ZFAND3: variants seen among roughly 807,000 people sequenced by gnomAD.
The protein encoded by ZFAND3 is zinc finger AN1-type containing 3, also known as AN1-type zinc finger protein 3.
Under a neutral mutation model 29.6 loss-of-function variants are expected in ZFAND3, and 10 were observed. That is an observed-to-expected ratio of 0.34 (90% CI 0.21 to 0.57). ZFAND3 has a LOEUF of 0.57. ZFAND3 is among the 20% of genes least tolerant of loss of function. The pLI is 0.86. For missense variants in ZFAND3, 230 were observed against 304.5 expected (o/e 0.76, Z 1.82); for synonymous variants, 128 against 112.6 (o/e 1.14, Z -0.87).
Position 38,041,795 on chromosome 6 carries a change from T to C in ZFAND3, c.113-19798T>C, listed in dbSNP as rs371551021. On this transcript the variant is annotated intron_variant, in intron 2 of 5. Transcript: ENST00000287218. ...TCCTCCTCCTCCTCTTCTTTCTTCT[T>C]CTTCTCCTCTTCTTTCTTCTTCTTC... Among the ~76,000 whole-genome samples the C allele has an allele frequency of 2.0e-3, 4 of 1,956 alleles. 2 individuals are homozygous for C. Among genetic ancestry groups the C allele is most frequent in the Non-Finnish European group, 0.011 (2 of 178 alleles). 1.3% of individuals were successfully genotyped at this position (1,956 alleles called of 152,430 possible).
intron 1 of ZFAND3, among the ~76,000 whole-genome samples, chr6:37,918,239 C>G (rs907466771): frequency 2.6e-5 from 4 of 152,022 alleles, no homozygotes; most frequent in African/African-American, 9.7e-5. Flanking sequence ...ACCACGCTGG[C>G]TAATTTTTTG....
chr6:37,933,347 C>T (rs1046866460), intron 2 of ZFAND3, among the ~76,000 whole-genome samples: 3 of 151,956 alleles, frequency 2.0e-5, no homozygotes, highest in Admixed American at 6.6e-5. Flanking sequence ...AAAGTCTTAC[C>T]GAGAGAATAC....
At chr6:37,842,328 G>A (rs752339491) in intron 1 of ZFAND3, among the ~76,000 whole-genome samples, 2 of 151,902 alleles carry the variant, frequency 1.3e-5, no homozygotes, top group African/African-American at 2.4e-5. Context: ...GCTGTTTCTC[G>A]TACCCTATCA....
chr6:38,143,715 C>T (rs1174877280), intron 5 of ZFAND3, among the ~76,000 whole-genome samples: 1 of 152,188 alleles, frequency 6.6e-6, no homozygotes, highest in Non-Finnish European at 1.5e-5. Context: ...TTCCAGTGCC[C>T]TGGGCAGCTG....
At chr6:37,833,706 G>C (rs904866941) in intron 1 of ZFAND3, among the ~76,000 whole-genome samples, 1 of 151,170 alleles carries the variant, frequency 6.6e-6, no homozygotes, top group East Asian at 1.9e-4. Flanking sequence ...AGCGTCTGTA[G>C]TCCCAGCTAC....
At chr6:37,952,165 T>G (rs1762009762) in intron 2 of ZFAND3, among the ~76,000 whole-genome samples, 1 of 152,158 alleles carries the variant, frequency 6.6e-6, no homozygotes, top group African/African-American at 2.4e-5. Context: ...TGAACTTTCA[T>G]TTTTGTGTGT....
At chr6:37,878,955 A>G (rs1354126537) in intron 1 of ZFAND3, among the ~76,000 whole-genome samples, 2 of 152,192 alleles carry the variant, frequency 1.3e-5, no homozygotes, top group Non-Finnish European at 2.9e-5. Context: ...CTGTGAGTTA[A>G]TTCTAGAGCT....
chr6:37,967,418 C>T (rs946106655), intron 2 of ZFAND3, among the ~76,000 whole-genome samples: 7 of 152,154 alleles, frequency 4.6e-5, no homozygotes, highest in African/African-American at 1.4e-4. Flanking sequence ...TTCTGCATCC[C>T]AGCCCTAGAT....
Position 38,120,320 on chromosome 6 carries a change from C to CTTTTTTTT in ZFAND3, c.529+3604_529+3611dup, listed in dbSNP as rs70981523. Among the ~76,000 whole-genome samples, 240 of 60,732 alleles carry CTTTTTTTT rather than the reference C, an allele frequency of 4.0e-3. 39 individuals carry two copies. The highest frequency in any genetic ancestry group is 7.5e-3 in the African/African-American group (133 of 17,788). The allele number at this position is 60,732 out of a possible 152,430, so 39.8% of individuals were successfully genotyped here. A position where few individuals can be genotyped will look rare whatever the true frequency, so the allele number is the denominator to read the frequency against. ...TGATTGATACACGTAGCTTGGCTTC[C>CTTTTTTTT]TTTTTTTTTTTTTTTTTTTTTTTTT... is the stretch of plus-strand genomic sequence containing the variant. On this transcript the variant is annotated intron_variant, in intron 5 of 5. Coordinates refer to ENST00000287218, the MANE Select transcript of ZFAND3 (RefSeq NM_021943.3).
chr6:38,068,798 G>A (rs12661073), intron 3 of ZFAND3, among the ~76,000 whole-genome samples: 1 of 152,122 alleles, frequency 6.6e-6, no homozygotes, highest in Non-Finnish European at 1.5e-5. Flanking sequence ...TCGTTTCCAG[G>A]TGCTGACTGG....
intron 2 of ZFAND3, among the ~76,000 whole-genome samples, chr6:37,944,159 G>A (rs1761859201): frequency 6.6e-6 from 1 of 152,116 alleles, no homozygotes; most frequent in Non-Finnish European, 1.5e-5. Context: ...TTATTTAGAT[G>A]TGTTGATTAT....
At chr6:38,130,797 G>C (rs984280498) in intron 5 of ZFAND3, among the ~76,000 whole-genome samples, 1 of 152,114 alleles carries the variant, frequency 6.6e-6, no homozygotes, top group Non-Finnish European at 1.5e-5. Flanking sequence ...TTCTTTCCTG[G>C]TTTTGGTATT....
chr6:37,899,233 T>C (rs957509004), intron 1 of ZFAND3, among the ~76,000 whole-genome samples: 2 of 152,204 alleles, frequency 1.3e-5, no homozygotes, highest in Non-Finnish European at 1.5e-5. Flanking sequence ...CCTTTTTCTT[T>C]TGATGATGTT....
At chr6:38,068,014 T>C (rs2127465884) in intron 3 of ZFAND3, among the ~76,000 whole-genome samples, 1 of 152,302 alleles carries the variant, frequency 6.6e-6, no homozygotes, top group South Asian at 2.1e-4. Flanking sequence ...TAGGGAGGAT[T>C]AATGGCAAGA....
At chr6:38,100,868 G>C (rs933821221) in intron 4 of ZFAND3, among the ~76,000 whole-genome samples, 1 of 152,124 alleles carries the variant, frequency 6.6e-6, no homozygotes, top group Non-Finnish European at 1.5e-5. Flanking sequence ...CTTTGTGTCT[G>C]TCTGTATACA....
At position 37,853,877 on chromosome 6, in the gene ZFAND3, C is replaced by A. The variant is rs541181820; in HGVS notation, c.71+33861C>A. 3.9e-5 allele frequency among the ~76,000 whole-genome samples: 6 copies of A among 152,234 alleles called. No homozygotes were observed. In the South Asian group the frequency reaches 1.0e-3, roughly 26 times the overall value. On this transcript the variant is annotated intron_variant, in intron 1 of 5. Coordinates refer to ENST00000287218, the MANE Select transcript of ZFAND3 (RefSeq NM_021943.3). ...AATCTTACAATGTCTATTGTATTTT[C>A]TGATTATAATAAGAATGTATTTTTA...
At chr6:37,854,243 G>A (rs1231985328) in intron 1 of ZFAND3, among the ~76,000 whole-genome samples, 1 of 152,142 alleles carries the variant, frequency 6.6e-6, no homozygotes, top group Non-Finnish European at 1.5e-5. Flanking sequence ...GATCCACTGC[G>A]CCCGGCTTGC....
chr6:37,998,701 A>C (rs560386166), intron 2 of ZFAND3, among the ~76,000 whole-genome samples: 2 of 152,198 alleles, frequency 1.3e-5, no homozygotes, highest in African/African-American at 4.8e-5. Flanking sequence ...TTATACATGT[A>C]TACTGGAATT....
At chr6:37,896,572 C>CTTTCTTTCTT (rs58677123) in intron 1 of ZFAND3, among the ~76,000 whole-genome samples, 6 of 21,320 alleles carry the variant, frequency 2.8e-4, no homozygotes, top group African/African-American at 7.2e-4. Context: ...CTTTCTTTCT[C>CTTTCTTTCTT]TCTTTCTCTC....
Sources: allele counts gnomAD v4.1 joint callset (sites outside exome capture counted in the v4.1 genomes callset), GRCh38; gene constraint gnomAD v4.1.1; transcripts MANE v1.5; gene names NCBI Gene and HGNC (gene_info 2026-07-23, HGNC 2026-07-21).